NKX2-2: variants seen among roughly 807,000 people sequenced by gnomAD.
NKX2-2 encodes homeobox protein Nkx-2.2.
NKX2-2 carries 8 observed loss-of-function variants against 24.6 expected under a neutral mutation model. The ratio of observed to expected loss-of-function variants is 0.32; its 90% confidence interval spans 0.19 to 0.59. The LOEUF (loss-of-function observed/expected upper bound fraction) is 0.59. NKX2-2 is among the 20% of genes least tolerant of loss of function. NKX2-2 has a pLI of 0.86. For missense variants in NKX2-2, 381 were observed against 373.9 expected, an observed-to-expected ratio of 1.02 and a Z score of -0.16; for synonymous variants, 217 against 173.3, an observed-to-expected ratio of 1.25 and a Z score of -1.98.
Position 21,511,787 on chromosome 20 carries a change from A to G in NKX2-2, c.*136T>C, listed in dbSNP as rs1387174216. 8 of 663,390 alleles carry G rather than the reference A, an allele frequency of 1.2e-5. No homozygotes were observed. Among genetic ancestry groups the G allele is most frequent in the African/African-American group, 3.7e-5 (2 of 53,884 alleles). 41.1% of individuals were successfully genotyped at this position (663,390 alleles called of 1,614,324 possible). On this transcript the variant is annotated 3_prime_UTR_variant, in exon 2 of 2. Coordinates refer to ENST00000377142, the MANE Select transcript of NKX2-2 (RefSeq NM_002509.4). ...CAACCTCCCGGCGCCTCCCTAGTGG[A>G]GCCGAGAGTCAACTCGACTCCATAA... is the stretch of plus-strand genomic sequence containing the variant.
At chr20:21,514,999 C>G (rs1464865782), upstream of NKX2-2, among the ~76,000 whole-genome samples, 4 of 151,890 alleles carry the variant, frequency 2.6e-5, no homozygotes. Context: ...GCCTCCACCT[C>G]TCTGCGGCCA....
At chr20:21,517,457 T>TCGTC (rs1378821194), upstream of NKX2-2, among the ~76,000 whole-genome samples, 1 of 152,204 alleles carries the variant, frequency 6.6e-6, no homozygotes, top group African/African-American at 2.4e-5. Flanking sequence ...CCATCACTTC[T>TCGTC]CGTCCGTGTG....
At chr20:21,515,229 A>G (rs1289751071), upstream of NKX2-2, among the ~76,000 whole-genome samples, 2 of 137,848 alleles carry the variant, frequency 1.5e-5, no homozygotes, top group African/African-American at 5.4e-5. Flanking sequence ...GCCTCTGGCT[A>G]GAGGTGGAGC....
At chr20:21,522,365 C>T in the NKX2-2 span, among the ~76,000 whole-genome samples, 2 of 152,300 alleles carry the variant, frequency 1.3e-5, no homozygotes, top group East Asian at 3.9e-4. Flanking sequence ...TGGCAGGCCG[C>T]GGTGACCGTG....
chr20:21,519,809 T>C, the NKX2-2 span, among the ~76,000 whole-genome samples: 12 of 152,044 alleles, frequency 7.9e-5, no homozygotes, highest in South Asian at 2.1e-4. Flanking sequence ...CTTCTGTCTG[T>C]GGGGTGGCAG....
the NKX2-2 span, among the ~76,000 whole-genome samples, chr20:21,520,207 C>T: frequency 6.6e-6 from 1 of 151,990 alleles, no homozygotes; most frequent in African/African-American, 2.4e-5. Context: ...TGGCGGGAAC[C>T]CCATTGATGC....
the NKX2-2 span, among the ~76,000 whole-genome samples, chr20:21,519,883 C>T: frequency 2.6e-5 from 4 of 152,114 alleles, no homozygotes; most frequent in African/African-American, 9.7e-5. Flanking sequence ...AGAGGCCAGA[C>T]CGTGCCCGGC....
intron 1 of NKX2-2, 86 bp from the exon 2 acceptor site, chr20:21,512,571 G>T: frequency 9.3e-7 from 1 of 1,069,894 alleles, no homozygotes; most frequent in Non-Finnish European, 1.3e-6. Context: ...TGGATCCTCC[G>T]TGCGACCCTG....
rs764677306 is a variant in NKX2-2, at chr20:21,512,370, G to C, written c.375C>G (p.Ala125=). The C allele has an allele frequency of 1.2e-6, 2 of 1,606,644 alleles. No homozygotes were observed. The highest frequency in any genetic ancestry group is 2.7e-5 in the African/African-American group (2 of 74,892). Residue 125 remains alanine (A), a synonymous_variant, in exon 2 of 2, where the codon GCC becomes GCG. Coordinates refer to ENST00000377142, the MANE Select transcript of NKX2-2 (RefSeq NM_002509.4). ...GCACTCGCCGCTTTCGCTTCTTGCC[G>C]GCGTCCCCCCCGCCGCCCGGGGTCT... ...DKETPGGGGD[A]GKKRKRRVLF...
Position 21,513,381 on chromosome 20 carries a change from C to A in NKX2-2, c.259+30G>T. 1.3e-6 allele frequency: 2 copies of A among 1,504,018 alleles called. No homozygotes were observed. The highest frequency in any genetic ancestry group is 1.8e-6 in the Non-Finnish European group (2 of 1,125,068). 93.2% of individuals were successfully genotyped at this position (1,504,018 alleles called of 1,614,324 possible). A position where few individuals can be genotyped will look rare whatever the true frequency, so the allele number is the denominator to read the frequency against. ...GCGGCTGCAGGAATGGAGGGGACCACGGCCTCGGCAGCCAAGTTTTGCTAC... is the reference window on the plus strand; with the variant it reads ...GCGGCTGCAGGAATGGAGGGGACCAAGGCCTCGGCAGCCAAGTTTTGCTAC... On this transcript the variant is annotated intron_variant, in intron 1 of 1. Transcript: ENST00000377142. This position sits in a 1 kb window ranked among gnomAD's most constrained non-coding sequence, Gnocchi z 4.6.
Position 21,512,408 on chromosome 20 carries a change from C to T in NKX2-2, c.337G>A (p.Asp113Asn). The T allele has an allele frequency of 6.3e-7, 1 of 1,598,002 alleles. No homozygotes were observed. The highest frequency in any genetic ancestry group is 8.5e-7 in the Non-Finnish European group (1 of 1,175,576). ...CCGCCCGGGGTCTCCTTGTCATTGT[C>T]CGGTGACTCGTCGGCCGAGGGCTCC... ...SPEPSADESP[D>N]NDKETPGGGG... is the part of the protein sequence containing the mutation. The change falls in exon 2 of 2, where the codon GAC becomes AAC. Residue 113 changes from aspartate to asparagine, a missense_variant. Transcript: ENST00000377142.
chr20:21,513,762 G>A lies in NKX2-2; in HGVS notation c.-93C>T, dbSNP rs1476536544. On this transcript the variant is annotated 5_prime_UTR_variant, in exon 1 of 2. Transcript: ENST00000377142. This position sits in a 1 kb window ranked among gnomAD's most constrained non-coding sequence, Gnocchi z 4.6. ...GCCCCGGCGGGCGGGGGAGGGGGGA[G>A]TTGGGGGGAGGGACTGGGGGAGGGG... The A allele has an allele frequency of 2.5e-5, 11 of 447,170 alleles. No homozygotes were observed. In the East Asian group the frequency reaches 2.5e-4, roughly 10 times the overall value. 27.7% of individuals were successfully genotyped at this position (447,170 alleles called of 1,614,324 possible). A position where few individuals can be genotyped will look rare whatever the true frequency, so the allele number is the denominator to read the frequency against.
intron 1 of NKX2-2, 89 bp from the exon 2 acceptor site, chr20:21,512,574 C>G: frequency 9.8e-7 from 1 of 1,024,674 alleles, no homozygotes; most frequent in Middle Eastern, 3.2e-4. Flanking sequence ...ATCCTCCGTG[C>G]GACCCTGGAC....
At chr20:21,517,717 G>A (rs571028659), upstream of NKX2-2, among the ~76,000 whole-genome samples, 52 of 152,316 alleles carry the variant, frequency 3.4e-4, no homozygotes, top group African/African-American at 1.2e-3. Flanking sequence ...CGCCCAAAGA[G>A]CCTAGGGGCC....
At chr20:21,516,485 G>T (rs1256445845), upstream of NKX2-2, among the ~76,000 whole-genome samples, 1 of 151,392 alleles carries the variant, frequency 6.6e-6, no homozygotes, top group African/African-American at 2.4e-5. Context: ...CTGCCCCGTC[G>T]GAGGAGGGAA....
chr20:21,516,325 T>C (rs1271233048), upstream of NKX2-2, among the ~76,000 whole-genome samples: 1 of 151,582 alleles, frequency 6.6e-6, no homozygotes, highest in Non-Finnish European at 1.5e-5. Context: ...CCTTCCCCCC[T>C]TTTTTCCCCT....
chr20:21,515,701 C>G (rs989064115), upstream of NKX2-2, among the ~76,000 whole-genome samples: 5 of 152,090 alleles, frequency 3.3e-5, no homozygotes, highest in South Asian at 2.1e-4. Context: ...CACAGAAGGC[C>G]ACCCCTGCGG....
the NKX2-2 span, among the ~76,000 whole-genome samples, chr20:21,519,417 G>C: frequency 6.6e-6 from 1 of 152,186 alleles, no homozygotes; most frequent in South Asian, 2.1e-4. Flanking sequence ...AAGGATTAAC[G>C]GCGCGGACAC....
upstream of NKX2-2, among the ~76,000 whole-genome samples, chr20:21,518,946 C>T (rs1980705865): frequency 6.6e-6 from 1 of 152,106 alleles, no homozygotes; most frequent in African/African-American, 2.4e-5. Flanking sequence ...CCGTTCAAGC[C>T]GGTGGTGAAA....
Sources: gnomAD v4.1 joint callset for allele counts (sites outside exome capture counted in the v4.1 genomes callset) on GRCh38, gnomAD v4.1.1 for gene constraint, Gnocchi (gnomAD v3.1) non-coding constraint, MANE v1.5 for transcripts, NCBI Gene and HGNC (gene_info 2026-07-23, HGNC 2026-07-21) for gene names.